KMT2A: variants seen among roughly 807,000 people sequenced by gnomAD.
The protein encoded by KMT2A is lysine methyltransferase 2A, also known as histone-lysine N-methyltransferase 2A.
A neutral mutation model predicts 345.3 loss-of-function variants in KMT2A; 16 were observed. The ratio of observed to expected loss-of-function variants is 0.05; its 90% CI spans 0.03 to 0.07. KMT2A has a LOEUF of 0.07. Ranked by LOEUF, KMT2A falls within the 10% of genes least tolerant of loss-of-function variation. KMT2A has a pLI of 1.00. For missense variants in KMT2A, 3,272 were observed against 4,841.6 expected, an observed-to-expected ratio of 0.68 and a Z score of 9.62; for synonymous variants, 1,599 against 1,778.6, an observed-to-expected ratio of 0.90 and a Z score of 2.54.
In KMT2A at chr11:118,436,523, G is replaced by A. The variant is rs2134151859; in HGVS notation, c.11G>A (p.Ser4Asn). The A allele has an allele frequency of 7.9e-7, 1 of 1,262,332 alleles. No homozygotes were observed. Among genetic ancestry groups the A allele is most frequent in the Non-Finnish European group, 1.0e-6 (1 of 993,468 alleles). 78.2% of individuals were successfully genotyped at this position (1,262,332 alleles called of 1,614,324 possible). The change falls in exon 1 of 36, where the codon AGC becomes AAC. Residue 4 changes from serine (S) to asparagine (N), a missense_variant. By Grantham distance (46) the Ser-to-Asn change is conservative. Coordinates refer to ENST00000534358, the MANE Select transcript of KMT2A (RefSeq NM_001197104.2). This position sits in a 1 kb window ranked among gnomAD's most constrained non-coding sequence, Gnocchi z 6.9. Reference sequence around the variant, plus strand: ...CTTCACGGGGCGAACATGGCGCACAGCTGTCGGTGGCGCTTCCCCGCCCGA... The same window carrying A: ...CTTCACGGGGCGAACATGGCGCACAACTGTCGGTGGCGCTTCCCCGCCCGA... Reference protein sequence around the residue: MAHSCRWRFPARPG... With the variant: MAHNCRWRFPARPG...
At chr11:118,471,472 T>TTA (rs1555035436) in intron 2 of KMT2A, among the ~76,000 whole-genome samples, 190 bp from the exon 3 acceptor site, 1 of 152,224 alleles carries the variant, frequency 6.6e-6, no homozygotes, top group African/African-American at 2.4e-5. Flanking sequence ...AGGTGGAATG[T>TTA]TATTTGCTGA....
rs1951030146 is a variant in KMT2A, at chr11:118,524,093, A to G, written c.*1921A>G. The G allele has an allele frequency of 1.1e-5, 2 of 188,098 alleles. No individual in the cohort carries two copies. The highest frequency in any genetic ancestry group is 4.7e-5 in the African/African-American group (2 of 42,744). The allele number at this position is 188,098 out of a possible 1,614,324, so 11.7% of individuals were successfully genotyped here. On this transcript the variant is annotated 3_prime_UTR_variant, in exon 36 of 36. Transcript: ENST00000534358. Reference sequence around the variant, plus strand: ...GGCAACTTGACATTTTTGCATCACCATCTGCCTCATAGGCCACTCTTTCCT... The same window carrying G: ...GGCAACTTGACATTTTTGCATCACCGTCTGCCTCATAGGCCACTCTTTCCT...
Position 118,521,210 on chromosome 11 carries a change from G to T in KMT2A, c.11514-78G>T. The T allele has an allele frequency of 6.7e-7, 1 of 1,486,232 alleles. No homozygotes were observed. The highest frequency in any genetic ancestry group is 1.2e-5 in the South Asian group (1 of 83,558). The allele number at this position is 1,486,232 out of a possible 1,614,324, so 92.1% of individuals were successfully genotyped here. On this transcript the variant is annotated intron_variant, in intron 34 of 35. Transcript: ENST00000534358. This position sits in a 1 kb window ranked among gnomAD's most constrained non-coding sequence, Gnocchi z 5.3. ...CCCTCCTGGGGAACTAACAGACCAG[G>T]AGAACTTATTCATGTATTCACGCAC...
chr11:118,455,888 C>T (rs1376115244), intron 1 of KMT2A, among the ~76,000 whole-genome samples: 2 of 152,060 alleles, frequency 1.3e-5, no homozygotes, highest in East Asian at 3.9e-4. Context: ...TGGGGTTTCA[C>T]ATTGTTGCCC....
At chr11:118,470,305 G>GT (rs1315906694) in intron 2 of KMT2A, among the ~76,000 whole-genome samples, 2 of 151,986 alleles carry the variant, frequency 1.3e-5, no homozygotes, top group African/African-American at 4.8e-5. Flanking sequence ...TTTGTTTGTT[G>GT]TTTTTGTTTT....
At chr11:118,481,631 G>A (rs1950133761) in intron 6 of KMT2A, 84 bp from the exon 7 acceptor site, 2 of 1,434,012 alleles carry the variant, frequency 1.4e-6, no homozygotes, top group Non-Finnish European at 1.9e-6. Flanking sequence ...TGGGATTGCT[G>A]GATCATATGG....
rs1249781321 is a variant in KMT2A at position 118,495,369 on chromosome 11, G to A, written c.5364-331G>A. ...GACTGGGTTTCACCATTTTGGCCAG[G>A]ATGGTCTTGATCTCTTGACCTGGTG... On this transcript the variant is annotated intron_variant, in intron 18 of 35. Coordinates refer to ENST00000534358, the MANE Select transcript of KMT2A (RefSeq NM_001197104.2). The surrounding 1 kb of genome is among the most constrained non-coding windows in gnomAD (Gnocchi z 4.1). Among the ~76,000 whole-genome samples the A allele has an allele frequency of 4.6e-5, 7 of 152,104 alleles. No individual in the cohort carries two copies. Among genetic ancestry groups the A allele is most frequent in the Admixed American group, 1.3e-4 (2 of 15,278 alleles).
At position 118,491,276 on chromosome 11, in the gene KMT2A, C is replaced by T. The variant is rs1472952558; in HGVS notation, c.4777C>T (p.Arg1593Cys). ...SKMMQCGKCD[R>C]WVHSKCENLS... is the part of the protein sequence containing the mutation. ...GATGATGCAATGTGGAAAGTGTGAT[C>T]GCTGGGTCCATTCCAAATGTGAGAA... Residue 1593 changes from arginine to cysteine, a missense_variant, in exon 14 of 36, where the codon CGC becomes TGC. Transcript: ENST00000534358. This position sits in a 1 kb window ranked among gnomAD's most constrained non-coding sequence, Gnocchi z 4.2. 4 of 1,613,752 alleles carry T rather than the reference C, an allele frequency of 2.5e-6. No homozygotes were observed. Among genetic ancestry groups the T allele is most frequent in the Non-Finnish European group, 2.5e-6 (3 of 1,179,756 alleles).
intron 1 of KMT2A, among the ~76,000 whole-genome samples, chr11:118,444,570 T>C (rs1555026663): frequency 3.9e-5 from 6 of 152,190 alleles, no homozygotes; most frequent in Non-Finnish European, 8.8e-5. Flanking sequence ...AAAAAGTTTT[T>C]TTTGTGTTTT....
At position 118,484,079 on chromosome 11, in the gene KMT2A, T is replaced by C; in HGVS notation, c.4087-104T>C. On this transcript the variant is annotated intron_variant, in intron 8 of 35. Transcript: ENST00000534358. This position sits in a 1 kb window ranked among gnomAD's most constrained non-coding sequence, Gnocchi z 4.1. ...TATTTGTTTATGTTGGAAACATGTT[T>C]TTTAGATCTATTAATAAAATTTGTC... 1 of 1,127,906 alleles carries C rather than the reference T, an allele frequency of 8.9e-7. No homozygotes were observed. Among genetic ancestry groups the C allele is most frequent in the Non-Finnish European group, 1.3e-6 (1 of 786,494 alleles). 69.9% of individuals were successfully genotyped at this position (1,127,906 alleles called of 1,614,324 possible).
intron 1 of KMT2A, chr11:118,447,611 G>T (rs1555027524): frequency 2.2e-6 from 1 of 450,718 alleles, no homozygotes; most frequent in Non-Finnish European, 4.4e-6. Flanking sequence ...CTTGAGTGTT[G>T]TTTCCATTTC....
chr11:118,442,489 A>C (rs573709036), intron 1 of KMT2A, among the ~76,000 whole-genome samples: 2 of 152,326 alleles, frequency 1.3e-5, no homozygotes, highest in African/African-American at 4.8e-5. Flanking sequence ...ATGAAACTTG[A>C]TGAGTAAAAT....
At chr11:118,486,834 G>A (rs1339346921) in intron 10 of KMT2A, among the ~76,000 whole-genome samples, 1 of 152,112 alleles carries the variant, frequency 6.6e-6, no homozygotes, top group African/African-American at 2.4e-5. Context: ...GCTGCAGTGA[G>A]CCATTATCAC....
At chr11:118,449,158 A>G (rs1476438912) in intron 1 of KMT2A, 17 of 152,134 alleles carry the variant, frequency 1.1e-4, no homozygotes, top group Admixed American at 2.0e-4. Flanking sequence ...CAAACTTCCA[A>G]ATATGATGTG....
In KMT2A at chr11:118,477,498, C is replaced by CTTTTTTTTTTTTTTT. The variant is rs11430367; in HGVS notation, c.3335-456_3335-442dup. 4.2e-4 allele frequency among the ~76,000 whole-genome samples: 24 copies of CTTTTTTTTTTTTTTT among 56,944 alleles called. 9 individuals are homozygous for CTTTTTTTTTTTTTTT. Among genetic ancestry groups the CTTTTTTTTTTTTTTT allele is most frequent in the African/African-American group, 8.5e-4 (11 of 12,984 alleles). The allele number at this position is 56,944 out of a possible 152,430, so 37.4% of individuals were successfully genotyped here. A position where few individuals can be genotyped will look rare whatever the true frequency, so the allele number is the denominator to read the frequency against. ...CTTTCATCAAGATGCAAGTTATTGG[C>CTTTTTTTTTTTTTTT]TTTTTTTTTTTTTTTTTTTTTTTTT... On this transcript the variant is annotated intron_variant, in intron 4 of 35. Coordinates refer to ENST00000534358, the MANE Select transcript of KMT2A (RefSeq NM_001197104.2).
At chr11:118,457,744 T>C (rs571632587) in intron 1 of KMT2A, among the ~76,000 whole-genome samples, 2 of 151,822 alleles carry the variant, frequency 1.3e-5, no homozygotes, top group South Asian at 2.1e-4. Context: ...ACCAGCTTTA[T>C]CATCCTTCGA....
intron 1 of KMT2A, among the ~76,000 whole-genome samples, chr11:118,454,296 T>C (rs1555029979): frequency 1.3e-5 from 2 of 152,230 alleles, no homozygotes; most frequent in Non-Finnish European, 2.9e-5. Flanking sequence ...TGGTCAAGCC[T>C]ACTTCTCGAG....
At chr11:118,499,786 A>T (rs368932372) in intron 23 of KMT2A, 49 bp from the exon 24 acceptor site, 2 of 1,396,052 alleles carry the variant, frequency 1.4e-6, no homozygotes, top group Non-Finnish European at 2.0e-6. Context: ...TCAAAAAAAT[A>T]AAATGACGCT....
In KMT2A at chr11:118,436,978, T is replaced by C. The variant is rs1459065053; in HGVS notation, c.432+34T>C. On this transcript the variant is annotated intron_variant, in intron 1 of 35. Transcript: ENST00000534358. The surrounding 1 kb of genome is among the most constrained non-coding windows in gnomAD (Gnocchi z 6.9). ...GCGAGGAACCCCCAGGTCCGGGGTC[T>C]CGACCCTCTGCGGAGCCCCCTCCCC... The C allele has an allele frequency of 1.4e-5, 19 of 1,401,664 alleles. No individual in the cohort carries two copies. The highest frequency in any genetic ancestry group is 1.7e-5 in the Non-Finnish European group (18 of 1,067,160). The allele number at this position is 1,401,664 out of a possible 1,614,324, so 86.8% of individuals were successfully genotyped here. A position where few individuals can be genotyped will look rare whatever the true frequency, so the allele number is the denominator to read the frequency against.
Sources: allele counts gnomAD v4.1 joint callset (sites outside exome capture counted in the v4.1 genomes callset), GRCh38; gene constraint gnomAD v4.1.1; non-coding constraint Gnocchi (gnomAD v3.1); transcripts MANE v1.5; gene names NCBI Gene and HGNC (gene_info 2026-07-23, HGNC 2026-07-21).